FGF12: variants seen among roughly 807,000 people sequenced by gnomAD.
FGF12 encodes fibroblast growth factor 12, also known as fibroblast growth factor 12B.
A neutral mutation model predicts 23.6 loss-of-function variants in FGF12; 14 were observed. The ratio of observed to expected loss-of-function variants is 0.59; its 90% confidence interval spans 0.39 to 0.93. The LOEUF is 0.93. Ranked by LOEUF, FGF12 falls within the 40% of genes least tolerant of loss-of-function variation. The pLI is 0.00. For synonymous variants in FGF12, 62 were observed against 77.3 expected, an observed-to-expected ratio of 0.80 and a Z score of 1.04; for missense variants, 175 against 217.8, an observed-to-expected ratio of 0.80 and a Z score of 1.24.
chr3:192,674,157 G>T (rs1717236751), intron 2 of FGF12, among the ~76,000 whole-genome samples: 1 of 139,288 alleles, frequency 7.2e-6, no homozygotes, highest in African/African-American at 2.5e-5. Flanking sequence ...AACCCATGGG[G>T]TAGTTATTAA....
Position 192,142,827 on chromosome 3 carries a change from G to C in FGF12, c.*1182C>G, listed in dbSNP as rs1246208775. On this transcript the variant is annotated 3_prime_UTR_variant, in exon 6 of 6. Coordinates refer to ENST00000445105, the MANE Select transcript of FGF12 (RefSeq NM_004113.6). The stretch of plus-strand genomic sequence containing the variant: ...TGGACTTGTAACAGGATCATACATA[G>C]AGCAACAAATTAGCTACTGGCTTTG... The C allele has an allele frequency of 6.6e-6, 1 of 152,032 alleles. No individual in the cohort carries two copies. Among genetic ancestry groups the C allele is most frequent in the African/African-American group, 2.4e-5 (1 of 41,410 alleles). The allele number at this position is 152,032 out of a possible 1,614,324, so 9.4% of individuals were successfully genotyped here.
At chr3:192,480,874 G>A (rs1311119517) in intron 2 of FGF12, among the ~76,000 whole-genome samples, 1 of 152,030 alleles carries the variant, frequency 6.6e-6, no homozygotes, top group African/African-American at 2.4e-5. Context: ...CATTACTATT[G>A]ATTGATCAAA....
At chr3:192,605,087 C>T (rs1714280068) in intron 2 of FGF12, among the ~76,000 whole-genome samples, 1 of 152,050 alleles carries the variant, frequency 6.6e-6, no homozygotes, top group South Asian at 2.1e-4. Flanking sequence ...CTATAAGAAT[C>T]CTAGAAGAGG....
At chr3:192,289,327 A>G (rs1352559721) in intron 4 of FGF12, among the ~76,000 whole-genome samples, 1 of 152,188 alleles carries the variant, frequency 6.6e-6, no homozygotes, top group Non-Finnish European at 1.5e-5. Context: ...AGCTAAATAC[A>G]TCAATAATTT....
chr3:192,149,414 C>T (rs9882084), intron 5 of FGF12, among the ~76,000 whole-genome samples: 46,355 of 137,672 alleles, frequency 0.34, 8,001 homozygotes, highest in Middle Eastern at 0.42. Context: ...ACTGCACCCA[C>T]TAACTCGTCA....
rs1715626214 is a variant in FGF12 at position 192,637,432 on chromosome 3, T to A, written c.13+89749A>T. Among the ~76,000 whole-genome samples, 3 of 152,320 alleles carry A rather than the reference T, an allele frequency of 2.0e-5. No individual in the cohort carries two copies. The South Asian group carries it at 6.2e-4, about 32-fold the overall frequency. On this transcript the variant is annotated intron_variant, in intron 2 of 5. Coordinates refer to ENST00000445105, the MANE Select transcript of FGF12 (RefSeq NM_004113.6). ...CAAACATCTATAGGCAATATGGCAT[T>A]GACATTGCATTCAGGCACTAAAGTA...
chr3:192,236,774 C>A (rs1719322510), intron 4 of FGF12, among the ~76,000 whole-genome samples: 2 of 152,026 alleles, frequency 1.3e-5, no homozygotes, highest in African/African-American at 4.8e-5. Flanking sequence ...TTGGGTCTTG[C>A]TTTTTTATAC....
chr3:192,248,765 G>C (rs148673936), intron 4 of FGF12, among the ~76,000 whole-genome samples: 122 of 152,252 alleles, frequency 8.0e-4, no homozygotes, highest in African/African-American at 2.8e-3. Flanking sequence ...GGGCAACAGA[G>C]AGAGACCCTG....
intron 2 of FGF12, among the ~76,000 whole-genome samples, chr3:192,427,187 C>A (rs1159763623): frequency 6.6e-6 from 1 of 151,824 alleles, no homozygotes; most frequent in East Asian, 1.9e-4. Context: ...TCGAGACCAG[C>A]CTGACCAACA....
Position 192,493,658 on chromosome 3 carries a change from G to A in FGF12, c.14-133120C>T, listed in dbSNP as rs575932983. 4.6e-5 allele frequency among the ~76,000 whole-genome samples: 7 copies of A among 152,162 alleles called. No individual in the cohort carries two copies. The East Asian group carries it at 1.2e-3, about 25-fold the overall frequency. ...GAGGCCTCAGGAAACTTACAATCAC[G>A]GCAGAAGGTAAAGGGGGAGCAAGTA... On this transcript the variant is annotated intron_variant, in intron 2 of 5. Transcript: ENST00000445105.
chr3:192,318,744 C>A (rs1447203640), intron 4 of FGF12, among the ~76,000 whole-genome samples: 1 of 151,870 alleles, frequency 6.6e-6, no homozygotes, highest in Non-Finnish European at 1.5e-5. Flanking sequence ...AGGTTATAAA[C>A]ATCAAGCAGA....
intron 2 of FGF12, among the ~76,000 whole-genome samples, chr3:192,426,430 T>A (rs1721689185): frequency 6.6e-6 from 1 of 152,094 alleles, no homozygotes. Context: ...CAAATACAGG[T>A]ATAAAGTGAA....
chr3:192,286,021 A>C (rs1195701912), intron 4 of FGF12, among the ~76,000 whole-genome samples: 6 of 152,060 alleles, frequency 3.9e-5, no homozygotes, highest in Non-Finnish European at 7.4e-5. Context: ...TAGTCATATA[A>C]GCAAAGAATG....
At chr3:192,378,026 T>TTTTCTTTTCTTTCTTTCTTTC (rs1719607315) in intron 2 of FGF12, among the ~76,000 whole-genome samples, 3 of 69,456 alleles carry the variant, frequency 4.3e-5, no homozygotes, top group East Asian at 3.8e-4. Context: ...TGACTCTTTC[T>TTTTCTTTTCTTTCTTTCTTTC]TTTCTTTCTT....
chr3:192,658,979 T>G lies in FGF12; in HGVS notation c.13+68202A>C, dbSNP rs116788478. On this transcript the variant is annotated intron_variant, in intron 2 of 5. Transcript: ENST00000445105. ...CATGGCCCCTGCCTTCCAGGGTTAG[T>G]GGTCCGGCCAGGACGCCAAGCTGCT... is the stretch of plus-strand genomic sequence containing the variant. Among the ~76,000 whole-genome samples, 421 of 152,314 alleles carry G rather than the reference T, an allele frequency of 2.8e-3. 1 individual carries two copies. Among genetic ancestry groups the G allele is most frequent in the African/African-American group, 9.9e-3 (411 of 41,578 alleles).
At chr3:192,714,122 A>C (rs1303594848) in intron 2 of FGF12, among the ~76,000 whole-genome samples, 2 of 152,122 alleles carry the variant, frequency 1.3e-5, no homozygotes, top group Admixed American at 6.6e-5. Context: ...TATCTTATTT[A>C]GTAGTAAAAA....
intron 4 of FGF12, among the ~76,000 whole-genome samples, chr3:192,275,037 T>C (rs1276494453): frequency 6.6e-6 from 1 of 152,196 alleles, no homozygotes; most frequent in Non-Finnish European, 1.5e-5. Flanking sequence ...ATGTTTTAGA[T>C]TAAAGATGAT....
intron 2 of FGF12, among the ~76,000 whole-genome samples, chr3:192,418,104 G>A (rs1384793393): frequency 6.6e-6 from 1 of 152,092 alleles, no homozygotes; most frequent in Non-Finnish European, 1.5e-5. Flanking sequence ...ATCAAGTTAT[G>A]TAGATGTTAG....
At chr3:192,696,770 G>T (rs1442490294) in intron 2 of FGF12, among the ~76,000 whole-genome samples, 2 of 152,022 alleles carry the variant, frequency 1.3e-5, no homozygotes, top group African/African-American at 4.8e-5. Flanking sequence ...TTCTAGCTCA[G>T]TAGGTCTGTG....
Sources: gnomAD v4.1 joint callset for allele counts (sites outside exome capture counted in the v4.1 genomes callset) on GRCh38, gnomAD v4.1.1 for gene constraint, MANE v1.5 for transcripts, NCBI Gene and HGNC (gene_info 2026-07-23, HGNC 2026-07-21) for gene names.